PPM1B: variants seen among roughly 807,000 people sequenced by gnomAD.
PPM1B encodes protein phosphatase 1B.
Under a neutral mutation model 43.0 loss-of-function variants are expected in PPM1B, and 22 were observed. The ratio of observed to expected loss-of-function variants is 0.51; its 90% CI spans 0.37 to 0.73. The LOEUF is 0.73. Ranked by LOEUF, PPM1B falls within the 30% of genes least tolerant of loss-of-function variation. The pLI is 0.00. For synonymous variants in PPM1B, 217 were observed against 197.9 expected (o/e 1.10, Z -0.81); for missense variants, 632 against 584.2 (o/e 1.08, Z -0.84).
chr2:44,220,081 A>T (rs879171080), intron 5 of PPM1B, among the ~76,000 whole-genome samples: 3 of 152,228 alleles, frequency 2.0e-5, no homozygotes, highest in Admixed American at 2.0e-4. Flanking sequence ...GTAATTTGGA[A>T]GGTTGAGAGA....
chr2:44,201,203 G>A lies in PPM1B; in HGVS notation c.4G>A (p.Gly2Ser). The part of the protein sequence containing the change: M[G>S]AFLDKPKTEK... ...TATTTCAGATTTATTGCTAAACATG[G>A]GTGCATTTTTGGATAAACCCAAAAC... The change falls in exon 2 of 6, where the codon GGT becomes AGT. Residue 2 changes from glycine (G) to serine (S), a missense_variant. Gly to Ser is a moderately conservative substitution (Grantham distance 56). Transcript: ENST00000282412. This position sits in a 1 kb window ranked among gnomAD's most constrained non-coding sequence, Gnocchi z 5.4. 6.3e-7 allele frequency: 1 copy of A among 1,581,588 alleles called. No individual in the cohort carries two copies. The highest frequency in any genetic ancestry group is 8.6e-7 in the Non-Finnish European group (1 of 1,162,456).
intron 5 of PPM1B, 83 bp downstream of exon 5, chr2:44,218,620 T>C: frequency 1.0e-6 from 1 of 960,854 alleles, no homozygotes. Flanking sequence ...ATTAACGAAG[T>C]CTATAATAAA....
downstream of PPM1B, chr2:44,232,488 C>T: frequency 2.0e-6 from 3 of 1,506,876 alleles, no homozygotes; most frequent in Non-Finnish European, 2.6e-6. Context: ...TAGCATTTCC[C>T]ATCATTTGTT....
chr2:44,215,126 A>G (rs1395713613), intron 3 of PPM1B, among the ~76,000 whole-genome samples: 2 of 152,348 alleles, frequency 1.3e-5, no homozygotes, highest in Non-Finnish European at 2.9e-5. Context: ...AATAGTTATT[A>G]TTAATCAGGA....
intron 5 of PPM1B, among the ~76,000 whole-genome samples, chr2:44,220,587 T>G (rs1669934058): frequency 6.6e-6 from 1 of 152,210 alleles, no homozygotes; most frequent in South Asian, 2.1e-4. Flanking sequence ...TGTTGTATAG[T>G]GGATTCACAG....
At chr2:44,200,765 A>T (rs147934238) in intron 1 of PPM1B, among the ~76,000 whole-genome samples, 14 of 152,314 alleles carry the variant, frequency 9.2e-5, no homozygotes, top group Middle Eastern at 3.4e-3. Context: ...TGTTTTGAAT[A>T]TTCTCATTGT....
chr2:44,187,635 C>T (rs750780041), intron 1 of PPM1B, among the ~76,000 whole-genome samples: 1 of 152,192 alleles, frequency 6.6e-6, no homozygotes, highest in Non-Finnish European at 1.5e-5. Context: ...TGTATCTTCC[C>T]TCAGCTCTGA....
chr2:44,233,559 T>C (rs376456679), downstream of PPM1B: 35 of 985,840 alleles, frequency 3.6e-5, no homozygotes, highest in East Asian at 6.8e-4. Flanking sequence ...TTACATGTTG[T>C]GGATGCTTTG....
At chr2:44,206,310 A>G (rs1669186262) in intron 2 of PPM1B, among the ~76,000 whole-genome samples, 1 of 152,242 alleles carries the variant, frequency 6.6e-6, no homozygotes, top group Non-Finnish European at 1.5e-5. Context: ...AAACAATGGC[A>G]CAAAGGAAAG....
At position 44,188,906 on chromosome 2, in the gene PPM1B, A is replaced by T. The variant is rs1203442851; in HGVS notation, c.-14-12280A>T. On this transcript the variant is annotated intron_variant, in intron 1 of 5. Coordinates refer to ENST00000282412, the MANE Select transcript of PPM1B (RefSeq NM_002706.6). ...AGCAAGATAGAGAGGGGAGGTGCCA[A>T]TTTGGGTTTTTTGTTGTTGTTGTTT... Among the ~76,000 whole-genome samples, 3 of 150,652 alleles carry T rather than the reference A, an allele frequency of 2.0e-5. No individual in the cohort carries two copies. In the South Asian group the frequency reaches 6.4e-4, roughly 32 times the overall value.
downstream of PPM1B, among the ~76,000 whole-genome samples, chr2:44,234,945 G>T (rs1168863574): frequency 6.6e-6 from 1 of 152,122 alleles, no homozygotes; most frequent in African/African-American, 2.4e-5. Context: ...TCTTGTTTGT[G>T]CTTTTGCGTT....
intron 2 of PPM1B, among the ~76,000 whole-genome samples, chr2:44,204,309 G>GA (rs1210145763): frequency 2.0e-5 from 3 of 152,138 alleles, no homozygotes; most frequent in East Asian, 1.9e-4. Flanking sequence ...AATTTACTCA[G>GA]AAAAATTGTA....
chr2:44,219,728 G>A (rs1195705492), intron 5 of PPM1B, among the ~76,000 whole-genome samples: 1 of 152,088 alleles, frequency 6.6e-6, no homozygotes, highest in East Asian at 1.9e-4. Flanking sequence ...CGGATCACCT[G>A]AGGTTGGGAG....
downstream of PPM1B, chr2:44,234,717 C>T: frequency 3.3e-6 from 2 of 608,502 alleles, no homozygotes; most frequent in Non-Finnish European, 4.1e-6. Flanking sequence ...TTGTATACTC[C>T]AGTGAACTTT....
intron 3 of PPM1B, among the ~76,000 whole-genome samples, chr2:44,216,593 T>A (rs1208000892): frequency 1.3e-5 from 2 of 152,142 alleles, no homozygotes; most frequent in Non-Finnish European, 2.9e-5. Flanking sequence ...AGAGAAGGAT[T>A]TGAGAATGTG....
At chr2:44,218,970 C>T in intron 5 of PPM1B, 1 of 421,872 alleles carries the variant, frequency 2.4e-6, no homozygotes, top group Non-Finnish European at 4.6e-6. Context: ...TGTATGCCCA[C>T]TTGGAATACC....
intron 5 of PPM1B, among the ~76,000 whole-genome samples, chr2:44,243,824 C>G (rs1235913699): frequency 6.6e-6 from 1 of 152,096 alleles, no homozygotes; most frequent in Non-Finnish European, 1.5e-5. Flanking sequence ...GTTTATTTTT[C>G]CAGATGAATT....
intron 1 of PPM1B, among the ~76,000 whole-genome samples, chr2:44,195,741 C>T (rs1377177848): frequency 1.3e-5 from 2 of 152,300 alleles, no homozygotes; most frequent in Non-Finnish European, 2.9e-5. Flanking sequence ...GTGGGGTCTA[C>T]GTTCCTTTGT....
intron 5 of PPM1B, chr2:44,218,774 T>G (rs1669841761): frequency 2.2e-6 from 1 of 456,742 alleles, no homozygotes. Flanking sequence ...ATGACCTTTT[T>G]TGTTTGGGCT....
Sources: allele counts gnomAD v4.1 joint callset (sites outside exome capture counted in the v4.1 genomes callset), GRCh38; gene constraint gnomAD v4.1.1; non-coding constraint Gnocchi (gnomAD v3.1); transcripts MANE v1.5; gene names NCBI Gene and HGNC (gene_info 2026-07-23, HGNC 2026-07-21).